The following EYS variants were observed in gnomAD, a reference collection of about 807,000 sequenced individuals.
EYS encodes protein eyes shut homolog.
In EYS, 250 loss-of-function variants were observed where a neutral mutation model predicts 282.1. The ratio of observed to expected loss-of-function variants is 0.89; its 90% CI spans 0.80 to 0.98. The LOEUF (loss-of-function observed/expected upper bound fraction) is 0.98. Ranked by LOEUF, EYS falls within the 50% of genes least tolerant of loss-of-function variation. The pLI, the probability that EYS is intolerant of heterozygous loss-of-function variation, is 0.00. For missense variants in EYS, 4,016 were observed against 3,709.0 expected (o/e 1.08, Z -2.15); for synonymous variants, 1,355 against 1,282.9 (o/e 1.06, Z -1.20).
At chr6:64,550,354 C>T (rs549878449) in intron 26 of EYS, among the ~76,000 whole-genome samples, 234 of 151,936 alleles carry the variant, frequency 1.5e-3, no homozygotes, top group African/African-American at 5.5e-3. Flanking sequence ...GACCCACCAA[C>T]AGTGTAAAAG....
intron 12 of EYS, among the ~76,000 whole-genome samples, chr6:65,079,249 T>A (rs912590073): frequency 1.3e-5 from 2 of 152,072 alleles, no homozygotes; most frequent in African/African-American, 2.4e-5. Context: ...AGATGCAGTG[T>A]TCAATATGGT....
At chr6:65,329,427 CT>C in intron 11 of EYS, 2 of 937,940 alleles carry the variant, frequency 2.1e-6, no homozygotes, top group Non-Finnish European at 2.5e-6. Context: ...ATTTGGTTTT[CT>C]AGAGCATAAT....
chr6:65,326,371 CTATG>C lies in EYS; in HGVS notation c.1766+8605_1766+8608del, dbSNP rs376796843. Among the ~76,000 whole-genome samples, 81 of 151,114 alleles carry C rather than the reference CTATG, an allele frequency of 5.4e-4. No individual in the cohort carries two copies. In the East Asian group the frequency reaches 8.7e-3, roughly 16 times the overall value. On this transcript the variant is annotated intron_variant, in intron 11 of 42. Coordinates refer to ENST00000503581, the MANE Select transcript of EYS (RefSeq NM_001142800.2). ...TTTTTTCTACCATTGATTAGAAATG[CTATG>C]TATATTAAAATAAATTCATATAGAT...
intron 26 of EYS, among the ~76,000 whole-genome samples, chr6:64,537,374 A>G (rs1005130228): frequency 2.0e-5 from 3 of 151,698 alleles, no homozygotes; most frequent in Non-Finnish European, 2.9e-5. Flanking sequence ...TCCATGGTGT[A>G]TATGTGCCAC....
intron 29 of EYS, among the ~76,000 whole-genome samples, chr6:64,379,994 T>C (rs1452823571): frequency 6.6e-6 from 1 of 152,166 alleles, no homozygotes; most frequent in African/African-American, 2.4e-5. Context: ...AAATCAGGTG[T>C]CCTTGTTTCA....
chr6:63,753,030 G>C (rs1356866503), intron 41 of EYS, among the ~76,000 whole-genome samples: 2 of 150,472 alleles, frequency 1.3e-5, no homozygotes, highest in Non-Finnish European at 1.5e-5. Flanking sequence ...TTTTCTTCCT[G>C]TCCCTTCTTA....
chr6:65,599,262 C>T (rs1765529573), intron 2 of EYS, among the ~76,000 whole-genome samples: 1 of 152,030 alleles, frequency 6.6e-6, no homozygotes, highest in Non-Finnish European at 1.5e-5. Flanking sequence ...CTGCCTAGTT[C>T]AAACCATGTT....
chr6:64,554,433 A>T (rs772416381), intron 26 of EYS, among the ~76,000 whole-genome samples: 4 of 152,068 alleles, frequency 2.6e-5, no homozygotes, highest in Non-Finnish European at 4.4e-5. Flanking sequence ...TCAAGCTTAC[A>T]CTAAAAATGC....
At chr6:64,964,558 T>G (rs529310468) in intron 14 of EYS, among the ~76,000 whole-genome samples, 1 of 152,138 alleles carries the variant, frequency 6.6e-6, no homozygotes, top group Non-Finnish European at 1.5e-5. Context: ...TTTGTTAAGG[T>G]GAATATTTGG....
At chr6:64,705,145 T>C (rs1770960464) in intron 22 of EYS, among the ~76,000 whole-genome samples, 1 of 152,148 alleles carries the variant, frequency 6.6e-6, no homozygotes, top group Admixed American at 6.5e-5. Flanking sequence ...GGATAAAAGA[T>C]TAATGTACAC....
chr6:64,033,828 C>CTATATA lies in EYS; in HGVS notation c.6725+32509_6725+32510insTATATA, dbSNP rs1491226014. Among the ~76,000 whole-genome samples the CTATATA allele has an allele frequency of 4.3e-3, 257 of 59,182 alleles. 2 individuals carry two copies. The highest frequency in any genetic ancestry group is 0.015 in the African/African-American group (221 of 15,170). 38.8% of individuals were successfully genotyped at this position (59,182 alleles called of 152,430 possible). On this transcript the variant is annotated intron_variant, in intron 33 of 42. Coordinates refer to ENST00000503581, the MANE Select transcript of EYS (RefSeq NM_001142800.2). ...AGTAATTCTGACACAAATGAGATTA[C>CTATATA]TCTCTCTCTCTCTCTCTCTATATAT...
chr6:65,321,938 C>G (rs1200097430), intron 11 of EYS, among the ~76,000 whole-genome samples: 3 of 152,182 alleles, frequency 2.0e-5, no homozygotes, highest in Non-Finnish European at 2.9e-5. Flanking sequence ...GTCACTTAAA[C>G]CTTCTGAATC....
intron 35 of EYS, among the ~76,000 whole-genome samples, chr6:63,910,254 A>G (rs1035908284): frequency 1.3e-5 from 2 of 152,208 alleles, no homozygotes; most frequent in African/African-American, 4.8e-5. Context: ...GAAGGAACCC[A>G]GAAGCCAAAT....
intron 24 of EYS, among the ~76,000 whole-genome samples, chr6:64,600,934 GC>G (rs1766742201): frequency 6.6e-6 from 1 of 151,732 alleles, no homozygotes; most frequent in Admixed American, 6.6e-5. Context: ...ATGTCTTCTT[GC>G]CACTAGGACT....
intron 7 of EYS, among the ~76,000 whole-genome samples, chr6:65,399,771 G>A (rs1286094347): frequency 6.6e-6 from 1 of 151,824 alleles, no homozygotes; most frequent in Non-Finnish European, 1.5e-5. Context: ...GGGAATTATT[G>A]GCTCATATTG....
At chr6:65,675,238 T>C (rs1213249603) in intron 1 of EYS, among the ~76,000 whole-genome samples, 2 of 151,606 alleles carry the variant, frequency 1.3e-5, no homozygotes, top group Non-Finnish European at 3.0e-5. Flanking sequence ...ATGAATAATA[T>C]GGCAATAATA....
intron 12 of EYS, among the ~76,000 whole-genome samples, chr6:65,207,251 A>G (rs1022325558): frequency 6.6e-6 from 1 of 151,702 alleles, no homozygotes; most frequent in African/African-American, 2.4e-5. Context: ...GAACCATATA[A>G]AAAACTCAAT....
intron 22 of EYS, among the ~76,000 whole-genome samples, chr6:64,771,258 T>C (rs1339280861): frequency 6.6e-6 from 1 of 151,748 alleles, no homozygotes; most frequent in Non-Finnish European, 1.5e-5. Flanking sequence ...TCCTAGTATT[T>C]GTGATTCTCC....
At chr6:65,670,859 A>G (rs1448233458) in intron 1 of EYS, among the ~76,000 whole-genome samples, 1 of 152,026 alleles carries the variant, frequency 6.6e-6, no homozygotes, top group Admixed American at 6.6e-5. Flanking sequence ...CCTTGGCCAC[A>G]GTTATAGCTA....
Sources: allele counts gnomAD v4.1 joint callset (sites outside exome capture counted in the v4.1 genomes callset), GRCh38; gene constraint gnomAD v4.1.1; transcripts MANE v1.5; gene names NCBI Gene and HGNC (gene_info 2026-07-23, HGNC 2026-07-21).